THOC2: variants seen among roughly 807,000 people sequenced by gnomAD.
THOC2 encodes THO complex subunit 2.
A neutral mutation model predicts 128.4 loss-of-function variants in THOC2; 10 were observed. That is an observed-to-expected ratio of 0.08 (90% CI 0.05 to 0.13). The LOEUF (loss-of-function observed/expected upper bound fraction) is 0.13. Ranked by LOEUF, THOC2 falls within the 10% of genes least tolerant of loss-of-function variation. The pLI, the probability that THOC2 is intolerant of heterozygous loss-of-function variation, is 1.00. For synonymous variants in THOC2, 393 were observed against 396.9 expected, an observed-to-expected ratio of 0.99 and a Z score of 0.12; for missense variants, 535 against 1,155.7, an observed-to-expected ratio of 0.46 and a Z score of 7.79.
intron 15 of THOC2, among the ~76,000 whole-genome samples, chrX:123,644,106 T>A (rs983578488): frequency 8.9e-6 from 1 of 112,364 alleles, no homozygotes; most frequent in Non-Finnish European, 1.9e-5. Flanking sequence ...CAAATTTTTT[T>A]AAAAAAGAAA....
At chrX:123,722,967 T>C (rs1350618923) in intron 1 of THOC2, among the ~76,000 whole-genome samples, 1 of 111,173 alleles carries the variant, frequency 9.0e-6, no homozygotes, top group Non-Finnish European at 1.9e-5. Context: ...TCATCGGAGG[T>C]CCGGAGTTCA....
At chrX:123,612,727 T>C (rs755869325) in intron 36 of THOC2, among the ~76,000 whole-genome samples, 5 of 112,196 alleles carry the variant, frequency 4.5e-5, no homozygotes, top group Middle Eastern at 4.6e-3. Flanking sequence ...GCCTATCTTT[T>C]AAAGCATAGA....
At chrX:123,714,599 C>A (rs1396714990) in intron 1 of THOC2, among the ~76,000 whole-genome samples, 1 of 111,693 alleles carries the variant, frequency 9.0e-6, no homozygotes, top group Admixed American at 9.6e-5. Context: ...AAACAGAAGA[C>A]TTGAATAATA....
chrX:123,623,447 C>T, intron 28 of THOC2, 164 bp from the exon 29 acceptor site: 1 of 615,289 alleles, frequency 1.6e-6, no homozygotes, highest in Non-Finnish European at 2.3e-6. Context: ...ATAGAACGCC[C>T]AGCTTTCTTA....
chrX:123,655,660 C>G (rs1047007496), intron 12 of THOC2, among the ~76,000 whole-genome samples: 5 of 111,365 alleles, frequency 4.5e-5, no homozygotes, highest in Middle Eastern at 4.7e-3. Context: ...GCCATATTAA[C>G]ACAAGATCAC....
At chrX:123,682,546 C>A (rs2049828967) in intron 8 of THOC2, among the ~76,000 whole-genome samples, 1 of 112,183 alleles carries the variant, frequency 8.9e-6, no homozygotes, top group Admixed American at 9.5e-5. Context: ...ATACAGTTTA[C>A]ATCCTCATAT....
chrX:123,721,793 A>C (rs891701592), intron 1 of THOC2, among the ~76,000 whole-genome samples: 4 of 110,479 alleles, frequency 3.6e-5, no homozygotes, highest in African/African-American at 1.3e-4. Flanking sequence ...CTCCAAAAAA[A>C]AAAAATTAAA....
rs190968072 is a variant in THOC2 at position 123,683,436 on chromosome X, T to C, written c.768+3112A>G. 2.8e-4 allele frequency among the ~76,000 whole-genome samples: 31 copies of C among 111,080 alleles called. No homozygotes were observed. The East Asian group carries it at 6.5e-3, about 23-fold the overall frequency. On this transcript the variant is annotated intron_variant, in intron 8 of 38. Coordinates refer to ENST00000245838, the MANE Select transcript of THOC2 (RefSeq NM_001081550.2). ...CAGGGACCAATACACAGATTGACCA[T>C]ATATGCTTGGGAGCCAACTCTCAAG...
intron 12 of THOC2, among the ~76,000 whole-genome samples, chrX:123,663,129 A>G (rs2048908649): frequency 8.9e-6 from 1 of 111,912 alleles, no homozygotes; most frequent in Non-Finnish European, 1.9e-5. Flanking sequence ...ATGCCTCCCA[A>G]AAGGCTTGTG....
chrX:123,692,824 G>A (rs1295398369), intron 7 of THOC2, among the ~76,000 whole-genome samples: 1 of 111,478 alleles, frequency 9.0e-6, no homozygotes, highest in Non-Finnish European at 1.9e-5. Context: ...TTTAACTAAA[G>A]GATGATAAGT....
intron 2 of THOC2, among the ~76,000 whole-genome samples, chrX:123,709,540 A>G (rs1015902277): frequency 1.8e-5 from 2 of 111,535 alleles, no homozygotes; most frequent in Non-Finnish European, 3.8e-5. Flanking sequence ...GCAGTGAGCC[A>G]AGATGGCGCC....
chrX:123,644,400 T>C (rs1298693379), intron 15 of THOC2, among the ~76,000 whole-genome samples, 175 bp downstream of exon 15: 1 of 112,088 alleles, frequency 8.9e-6, no homozygotes, highest in East Asian at 2.8e-4. Context: ...AACTTGGTAG[T>C]CAAAATGAGC....
Position 123,703,519 on chromosome X carries a change from T to C in THOC2, c.223-14A>G, listed in dbSNP as rs1410423629. 1.8e-6 allele frequency: 2 copies of C among 1,083,126 alleles called. No homozygotes were observed. Among genetic ancestry groups the C allele is most frequent in the African/African-American group, 3.7e-5 (2 of 53,892 alleles). The allele number at this position is 1,083,126 out of a possible 1,213,427, so 89.3% of individuals were successfully genotyped here. On this transcript the variant is annotated splice_polypyrimidine_tract_variant and intron_variant, in intron 3 of 38. Coordinates refer to ENST00000245838, the MANE Select transcript of THOC2 (RefSeq NM_001081550.2). ...CTCACGAAATTCCTAATTTTAAAAATATAATTACAATAAATAGCAAAAAAG... is the reference window on the plus strand; with the variant it reads ...CTCACGAAATTCCTAATTTTAAAAACATAATTACAATAAATAGCAAAAAAG...
chrX:123,708,035 G>C lies in THOC2; in HGVS notation c.131-1086C>G, dbSNP rs937281668. ...TTATGCCAGGTACTCAGGAGGCTGAGGCGGGAACTTAAGCCCAGGAGATCA... is the reference window on the plus strand; with the variant it reads ...TTATGCCAGGTACTCAGGAGGCTGACGCGGGAACTTAAGCCCAGGAGATCA... On this transcript the variant is annotated intron_variant, in intron 2 of 38. Coordinates refer to ENST00000245838, the MANE Select transcript of THOC2 (RefSeq NM_001081550.2). 6.4e-5 allele frequency among the ~76,000 whole-genome samples: 7 copies of C among 108,783 alleles called. No individual in the cohort carries two copies. The South Asian group carries it at 2.8e-3, about 43-fold the overall frequency. 94.5% of individuals were successfully genotyped at this position (108,783 alleles called of 115,157 possible).
At chrX:123,661,778 G>C (rs779269786) in intron 12 of THOC2, among the ~76,000 whole-genome samples, 19 of 111,423 alleles carry the variant, frequency 1.7e-4, no homozygotes, top group Non-Finnish European at 3.4e-4. Flanking sequence ...ATGTAAATTT[G>C]TGAGCATTAA....
At chrX:123,647,729 G>A (rs1019025653) in intron 12 of THOC2, among the ~76,000 whole-genome samples, 2 of 107,557 alleles carry the variant, frequency 1.9e-5, no homozygotes, top group Admixed American at 2.0e-4. Flanking sequence ...CAGCTACTCG[G>A]GAGGCTGAGG....
chrX:123,638,233 T>C, intron 17 of THOC2, 110 bp from the exon 18 acceptor site: 1 of 449,666 alleles, frequency 2.2e-6, no homozygotes, highest in Non-Finnish European at 3.7e-6. Context: ...AAATTATTTT[T>C]CTAGTTTTCC....
intron 1 of THOC2, among the ~76,000 whole-genome samples, chrX:123,730,698 C>T (rs1406342742): frequency 9.0e-6 from 1 of 111,618 alleles, no homozygotes; most frequent in Non-Finnish European, 1.9e-5. Context: ...AATAGTAAAA[C>T]TGTTGGGAGG....
chrX:123,628,353 T>C (rs776504518), intron 22 of THOC2, among the ~76,000 whole-genome samples: 20 of 111,569 alleles, frequency 1.8e-4, no homozygotes, highest in Non-Finnish European at 3.6e-4. Context: ...AGGGAACAAA[T>C]AGAAGGTCTT....
Sources: gnomAD v4.1 joint callset for allele counts (sites outside exome capture counted in the v4.1 genomes callset) on GRCh38, gnomAD v4.1.1 for gene constraint, MANE v1.5 for transcripts, NCBI Gene and HGNC (gene_info 2026-07-23, HGNC 2026-07-21) for gene names.